Variants in CDK17 observed in about 807,000 individuals in gnomAD.
The protein encoded by CDK17 is cyclin-dependent kinase 17.
A neutral mutation model predicts 77.6 loss-of-function variants in CDK17; 24 were observed. The observed-to-expected ratio is 0.31, with a 90% CI of 0.22 to 0.44. The LOEUF is 0.44. Ranked by LOEUF, CDK17 falls within the 20% of genes least tolerant of loss-of-function variation. CDK17 has a pLI of 1.00. For missense variants in CDK17, 429 were observed against 622.5 expected (o/e 0.69, Z 3.31); for synonymous variants, 203 against 210.4 (o/e 0.96, Z 0.30).
At chr12:96,288,975 A>C (rs1952281810) in intron 11 of CDK17, among the ~76,000 whole-genome samples, 192 bp downstream of exon 11, 1 of 152,228 alleles carries the variant, frequency 6.6e-6, no homozygotes, top group African/African-American at 2.4e-5. Context: ...AAGTTAACAC[A>C]TAGTTCTAAA....
chr12:96,299,725 G>T (rs1337145126), intron 6 of CDK17, among the ~76,000 whole-genome samples: 6 of 152,102 alleles, frequency 3.9e-5, no homozygotes, highest in African/African-American at 1.4e-4. Context: ...AGACTTTTCA[G>T]AATCTTTGTA....
intron 3 of CDK17, among the ~76,000 whole-genome samples, chr12:96,322,572 TTC>T (rs1952836523): frequency 6.6e-6 from 1 of 151,742 alleles, no homozygotes; most frequent in African/African-American, 2.4e-5. Context: ...GTTTTCTGAC[TTC>T]TCTCTCCATG....
intron 3 of CDK17, among the ~76,000 whole-genome samples, chr12:96,318,133 A>G (rs200535751): frequency 0.18 from 25,533 of 143,224 alleles, 2,416 homozygotes; most frequent in South Asian, 0.27. Flanking sequence ...AACAAAAAAA[A>G]GCAGGGGTTG....
At chr12:96,307,377 G>T (rs1952589449) in intron 5 of CDK17, among the ~76,000 whole-genome samples, 1 of 152,070 alleles carries the variant, frequency 6.6e-6, no homozygotes, top group South Asian at 2.1e-4. Flanking sequence ...AGAGGGCACT[G>T]TTTTTCTTAA....
chr12:96,339,928 A>G (rs1452933813), intron 1 of CDK17, among the ~76,000 whole-genome samples: 1 of 152,106 alleles, frequency 6.6e-6, no homozygotes, highest in Non-Finnish European at 1.5e-5. Flanking sequence ...GTCTCAATCA[A>G]TCAATCAATA....
At chr12:96,399,004 AG>A (rs1313000816) in intron 1 of CDK17, 2 of 152,254 alleles carry the variant, frequency 1.3e-5, no homozygotes, top group Non-Finnish European at 2.9e-5. Flanking sequence ...AGGAAGAGAG[AG>A]AAGTTCAAGG....
Position 96,278,727 on chromosome 12 carries a change from A to G in CDK17, c.*1515T>C, listed in dbSNP as rs1343779399. On this transcript the variant is annotated 3_prime_UTR_variant, in exon 17 of 17. Transcript: ENST00000261211. ...CCAATTTACAAATGTGAAAAGCAGT[A>G]GTGGTCCAATATTCACCATTACACA... 1 of 152,634 alleles carries G rather than the reference A, an allele frequency of 6.6e-6. No homozygotes were observed. The highest frequency in any genetic ancestry group is 1.5e-5 in the Non-Finnish European group (1 of 67,996). The allele number at this position is 152,634 out of a possible 1,614,324, so 9.5% of individuals were successfully genotyped here. A position where few individuals can be genotyped will look rare whatever the true frequency, so the allele number is the denominator to read the frequency against.
At chr12:96,286,912 C>T in intron 11 of CDK17, 151 bp from the exon 12 acceptor site, 2 of 585,618 alleles carry the variant, frequency 3.4e-6, no homozygotes, top group Non-Finnish European at 6.0e-6. Context: ...CTAATTTGTT[C>T]GCATTTACCC....
chr12:96,372,432 G>A (rs1281682612), intron 1 of CDK17, among the ~76,000 whole-genome samples: 1 of 152,072 alleles, frequency 6.6e-6, no homozygotes, highest in Non-Finnish European at 1.5e-5. Context: ...GTGATTTGGT[G>A]AGGGGTGGGA....
At chr12:96,399,493 C>G (rs1030564675) in intron 1 of CDK17, 1 of 152,332 alleles carries the variant, frequency 6.6e-6, no homozygotes, top group African/African-American at 2.4e-5. Context: ...GAGCTGCAGG[C>G]GCCGCGACCG....
chr12:96,346,320 C>T (rs1443354961), intron 1 of CDK17, among the ~76,000 whole-genome samples: 1 of 152,068 alleles, frequency 6.6e-6, no homozygotes, highest in Non-Finnish European at 1.5e-5. Flanking sequence ...GGCATGGTGG[C>T]ACACGCCTGT....
At chr12:96,344,774 C>T (rs1009417762) in intron 1 of CDK17, among the ~76,000 whole-genome samples, 7 of 152,044 alleles carry the variant, frequency 4.6e-5, no homozygotes, top group African/African-American at 7.2e-5. Context: ...AGAGTATTAA[C>T]GCACTTTTGG....
At position 96,335,003 on chromosome 12, in the gene CDK17, CA is replaced by C. The variant is rs746616951; in HGVS notation, c.-29-139del. 2.6e-5 allele frequency: 18 copies of C among 683,436 alleles called. No individual in the cohort carries two copies. In the South Asian group the frequency reaches 2.8e-4, roughly 11 times the overall value. 42.3% of individuals were successfully genotyped at this position (683,436 alleles called of 1,614,324 possible). A position where few individuals can be genotyped will look rare whatever the true frequency, so the allele number is the denominator to read the frequency against. Reference sequence around the variant, plus strand: ...CACTTCTGCCAAACATCACCAAATCCAACCCCTTTTTTAAAAAGATTCACCT... The same window carrying C: ...CACTTCTGCCAAACATCACCAAATCCACCCCTTTTTTAAAAAGATTCACCT... On this transcript the variant is annotated intron_variant, in intron 1 of 16. Coordinates refer to ENST00000261211, the MANE Select transcript of CDK17 (RefSeq NM_002595.5).
chr12:96,398,984 A>C (rs1565852395), intron 1 of CDK17: 1 of 152,188 alleles, frequency 6.6e-6, no homozygotes, highest in South Asian at 2.1e-4. Context: ...CCAGAAAAGG[A>C]AAGGGTGGGA....
intron 5 of CDK17, among the ~76,000 whole-genome samples, chr12:96,307,121 C>A (rs996254597): frequency 3.6e-4 from 55 of 152,066 alleles, no homozygotes; most frequent in African/African-American, 1.3e-3. Context: ...CATGGAGAAA[C>A]CCCATCTCTA....
chr12:96,326,177 A>T (rs1952889528), intron 2 of CDK17, among the ~76,000 whole-genome samples: 1 of 152,216 alleles, frequency 6.6e-6, no homozygotes, highest in South Asian at 2.1e-4. Context: ...TGGAGAATAC[A>T]GCTTGATTGT....
intron 1 of CDK17, among the ~76,000 whole-genome samples, chr12:96,376,867 C>T (rs1953788956): frequency 6.6e-6 from 1 of 152,020 alleles, no homozygotes; most frequent in Admixed American, 6.6e-5. Flanking sequence ...AAGGAAAAAA[C>T]CAATTGATAC....
chr12:96,381,755 A>G (rs1953886507), intron 1 of CDK17, among the ~76,000 whole-genome samples: 1 of 152,040 alleles, frequency 6.6e-6, no homozygotes, highest in African/African-American at 2.4e-5. Flanking sequence ...TGGATCACCA[A>G]AACAACTTAT....
rs905293181 is a variant in CDK17, at chr12:96,279,344, C to T, written c.*898G>A. On this transcript the variant is annotated 3_prime_UTR_variant, in exon 17 of 17. Transcript: ENST00000261211. ...AGCCCCCAAATGAAAGAAACTATTC[C>T]CCAATGAAATATCATCCTTTCTAAT... 2 of 152,104 alleles carry T rather than the reference C, an allele frequency of 1.3e-5. No individual in the cohort carries two copies. Among genetic ancestry groups the T allele is most frequent in the Admixed American group, 6.5e-5 (1 of 15,276 alleles). 9.4% of individuals were successfully genotyped at this position (152,104 alleles called of 1,614,324 possible).
Sources: allele counts gnomAD v4.1 joint callset (sites outside exome capture counted in the v4.1 genomes callset), GRCh38; gene constraint gnomAD v4.1.1; transcripts MANE v1.5; gene names NCBI Gene and HGNC (gene_info 2026-07-23, HGNC 2026-07-21).